TMEM178B: variants seen among roughly 807,000 people sequenced by gnomAD.
TMEM178B encodes the protein transmembrane protein 178B.
TMEM178B carries 5 observed loss-of-function variants against 31.0 expected under a neutral mutation model. The observed-to-expected ratio is 0.16, with a 90% CI of 0.08 to 0.34. The LOEUF (loss-of-function observed/expected upper bound fraction) is 0.34, where lower values mean the gene tolerates loss of function less well. TMEM178B is among the 10% of genes least tolerant of loss of function. TMEM178B has a pLI of 1.00. For synonymous variants in TMEM178B, 164 were observed against 164.0 expected (o/e 1.00, Z 0.00); for missense variants, 275 against 400.3 (o/e 0.69, Z 2.67).
intron 1 of TMEM178B, among the ~76,000 whole-genome samples, chr7:141,157,084 G>A (rs1176289854): frequency 6.6e-6 from 1 of 152,144 alleles, no homozygotes; most frequent in Non-Finnish European, 1.5e-5. Context: ...GGTGAAAGTG[G>A]AAACACGCAG....
intron 2 of TMEM178B, among the ~76,000 whole-genome samples, chr7:141,436,688 G>A (rs2116679916): frequency 6.6e-6 from 1 of 152,162 alleles, no homozygotes; most frequent in African/African-American, 2.4e-5. Context: ...GAGCAGCTCT[G>A]GCTGCCTCTG....
At position 141,231,159 on chromosome 7, in the gene TMEM178B, T is replaced by C. The variant is rs373873805; in HGVS notation, c.496+18455T>C. Among the ~76,000 whole-genome samples the C allele has an allele frequency of 4.5e-4, 68 of 152,342 alleles. No homozygotes were observed. In the South Asian group the frequency reaches 0.013, roughly 30 times the overall value. On this transcript the variant is annotated intron_variant, in intron 2 of 3. Transcript: ENST00000565468. Reference sequence around the variant, plus strand: ...TCCCAAGAGGACTGAGACATTGTCCTGTTTGCCTCTGCATTTCCAGCGCCT... The same window carrying C: ...TCCCAAGAGGACTGAGACATTGTCCCGTTTGCCTCTGCATTTCCAGCGCCT...
intron 2 of TMEM178B, among the ~76,000 whole-genome samples, chr7:141,241,042 C>G (rs1330019461): frequency 6.8e-6 from 1 of 148,028 alleles, no homozygotes; most frequent in Non-Finnish European, 1.5e-5. Flanking sequence ...GGGGTACAAG[C>G]GTTTTTTTTT....
At chr7:141,425,273 G>C (rs1187555380) in intron 2 of TMEM178B, among the ~76,000 whole-genome samples, 1 of 152,154 alleles carries the variant, frequency 6.6e-6, no homozygotes, top group African/African-American at 2.4e-5. Flanking sequence ...GGGTACCCAT[G>C]TGTTTTAAAG....
chr7:141,155,794 G>A (rs1196400891), intron 1 of TMEM178B, among the ~76,000 whole-genome samples: 1 of 152,206 alleles, frequency 6.6e-6, no homozygotes, highest in African/African-American at 2.4e-5. Context: ...GTCGGGCGTG[G>A]TGGCTCACAT....
chr7:141,355,258 T>G (rs1197947799), intron 2 of TMEM178B, among the ~76,000 whole-genome samples: 2 of 152,160 alleles, frequency 1.3e-5, no homozygotes, highest in Non-Finnish European at 2.9e-5. Context: ...TCAGACTTGG[T>G]GACTAACTCA....
chr7:141,350,615 G>A (rs1208242271), intron 2 of TMEM178B, among the ~76,000 whole-genome samples: 2 of 152,172 alleles, frequency 1.3e-5, no homozygotes, highest in Admixed American at 6.5e-5. Context: ...CCTGGGAACA[G>A]TGTAAGGGAG....
intron 1 of TMEM178B, among the ~76,000 whole-genome samples, chr7:141,190,327 T>C (rs180979148): frequency 2.6e-4 from 40 of 152,284 alleles, no homozygotes; most frequent in African/African-American, 9.6e-4. Flanking sequence ...GTTTTTTTTT[T>C]CTTTTAGACA....
intron 2 of TMEM178B, among the ~76,000 whole-genome samples, chr7:141,425,260 C>G (rs924736055): frequency 6.6e-6 from 1 of 152,164 alleles, no homozygotes; most frequent in Non-Finnish European, 1.5e-5. Flanking sequence ...CTAACACCCT[C>G]TAGGGTACCC....
chr7:141,497,377 C>A, the TMEM178B span, among the ~76,000 whole-genome samples: 68 of 152,304 alleles, frequency 4.5e-4, no homozygotes, highest in Admixed American at 7.8e-4. Flanking sequence ...TGGATGGAAT[C>A]CAAGAAAATG....
At chr7:141,127,887 G>T (rs1016395909) in intron 1 of TMEM178B, among the ~76,000 whole-genome samples, 1 of 152,074 alleles carries the variant, frequency 6.6e-6, no homozygotes, top group Non-Finnish European at 1.5e-5. Context: ...TCAAGTTTTA[G>T]GTTCAGTTCT....
intron 2 of TMEM178B, among the ~76,000 whole-genome samples, chr7:141,342,178 C>T (rs1258175787): frequency 6.6e-6 from 1 of 152,134 alleles, no homozygotes; most frequent in East Asian, 1.9e-4. Flanking sequence ...AAACTACTGA[C>T]CTCAGGTGGT....
At chr7:141,391,829 G>T (rs560500666) in intron 2 of TMEM178B, among the ~76,000 whole-genome samples, 1 of 152,116 alleles carries the variant, frequency 6.6e-6, no homozygotes, top group Non-Finnish European at 1.5e-5. Context: ...TGTCCTCAAG[G>T]TTCATCCATG....
At chr7:141,436,424 G>A (rs1181742) in intron 2 of TMEM178B, among the ~76,000 whole-genome samples, 40,999 of 152,024 alleles carry the variant, frequency 0.27, 6,458 homozygotes, top group African/African-American at 0.42. Flanking sequence ...CAGACCCTGG[G>A]GCAGAGGCAG....
At chr7:141,325,390 T>C (rs1799171850) in intron 2 of TMEM178B, among the ~76,000 whole-genome samples, 1 of 152,160 alleles carries the variant, frequency 6.6e-6, no homozygotes, top group African/African-American at 2.4e-5. Flanking sequence ...TTGTTGATGC[T>C]GTGCTTTTGT....
intron 1 of TMEM178B, among the ~76,000 whole-genome samples, chr7:141,124,609 G>A (rs1795460085): frequency 6.6e-6 from 1 of 152,088 alleles, no homozygotes; most frequent in African/African-American, 2.4e-5. Context: ...ATTCCTGAAA[G>A]TGAAAAAGTT....
chr7:141,285,663 T>C (rs1798437241), intron 2 of TMEM178B, among the ~76,000 whole-genome samples: 1 of 152,178 alleles, frequency 6.6e-6, no homozygotes, highest in African/African-American at 2.4e-5. Context: ...ATTGCAGCAC[T>C]ATTCACAATA....
rs541952341 is a variant in TMEM178B at position 141,472,135 on chromosome 7, C to G, written c.*1349C>G. Reference sequence around the variant, plus strand: ...AGACCTTCACTCCCCATTATAGAAGCTGTCCTTTGTCACTGGACATCTCCC... The same window carrying G: ...AGACCTTCACTCCCCATTATAGAAGGTGTCCTTTGTCACTGGACATCTCCC... On this transcript the variant is annotated 3_prime_UTR_variant, in exon 4 of 4. Coordinates refer to ENST00000565468, the MANE Select transcript of TMEM178B (RefSeq NM_001195278.2). 1.3e-5 allele frequency: 2 copies of G among 152,322 alleles called. No homozygotes were observed. Among genetic ancestry groups the G allele is most frequent in the Non-Finnish European group, 2.9e-5 (2 of 68,064 alleles). The allele number at this position is 152,322 out of a possible 1,614,324, so 9.4% of individuals were successfully genotyped here.
intron 3 of TMEM178B, among the ~76,000 whole-genome samples, chr7:141,448,386 A>G (rs961330114): frequency 1.3e-5 from 2 of 152,160 alleles, no homozygotes; most frequent in African/African-American, 4.8e-5. Flanking sequence ...GGTAAGAATA[A>G]TGATAATGTC....
Sources: gnomAD v4.1 joint callset for allele counts (sites outside exome capture counted in the v4.1 genomes callset) on GRCh38, gnomAD v4.1.1 for gene constraint, MANE v1.5 for transcripts, NCBI Gene and HGNC (gene_info 2026-07-23, HGNC 2026-07-21) for gene names.